TLR2: variants seen among roughly 807,000 people sequenced by gnomAD.
TLR2 encodes toll like receptor 2, also known as toll-like receptor 2.
TLR2 carries 7 observed loss-of-function variants against 9.1 expected under a neutral mutation model. The observed-to-expected ratio is 0.77, with a 90% CI of 0.44 to 1.44. The LOEUF (loss-of-function observed/expected upper bound fraction) is 1.44, where lower values mean the gene tolerates loss of function less well. Among genes scored for constraint, TLR2 ranks in the 40% most tolerant of loss-of-function variants. TLR2 has a pLI of 0.01. For missense variants in TLR2, 812 were observed against 904.6 expected (o/e 0.90, Z 1.31); for synonymous variants, 317 against 344.6 (o/e 0.92, Z 0.89).
At position 153,703,891 on chromosome 4, in the gene TLR2, G is replaced by T; in HGVS notation, c.984G>T (p.Leu328=). ...CAAGGTTTTACTTATTTTATGATCT[G>T]AGCACTTTATATTCACTTACAGAAA... ...HIPRFYLFYD[L]STLYSLTERV... is the part of the protein sequence containing the mutation. The change falls in exon 3 of 3, where the codon CTG becomes CTT. Residue 328 remains leucine (L), a synonymous_variant. Coordinates refer to ENST00000642700, the MANE Select transcript of TLR2 (RefSeq NM_001318789.2). 8 of 1,613,918 alleles carry T rather than the reference G, an allele frequency of 5.0e-6. No homozygotes were observed. The highest frequency in any genetic ancestry group is 1.1e-5 in the South Asian group (1 of 90,996).
chr4:153,684,744 G>C (rs1365613184), intron 1 of TLR2, among the ~76,000 whole-genome samples: 1 of 151,632 alleles, frequency 6.6e-6, no homozygotes, highest in Non-Finnish European at 1.5e-5. Context: ...CAGGCCCCGG[G>C]GGGGTTGCCG....
chr4:153,692,345 A>C (rs1049582115), intron 2 of TLR2, among the ~76,000 whole-genome samples: 4 of 152,186 alleles, frequency 2.6e-5, no homozygotes, highest in African/African-American at 9.7e-5. Flanking sequence ...TTAATTACAA[A>C]AACTGGAGAA....
rs1226764111 is a variant in TLR2, at chr4:153,703,156, G to A, written c.249G>A (p.Leu83=). ...GTGTGAACCTCCAGGCTCTGGTGCTGACATCCAATGGAATTAACACAATAG... is the reference window on the plus strand; with the variant it reads ...GTGTGAACCTCCAGGCTCTGGTGCTAACATCCAATGGAATTAACACAATAG... ...QRCVNLQALV[L]TSNGINTIEE... Residue 83 remains leucine, a synonymous_variant, in exon 3 of 3, where the codon CTG becomes CTA. Coordinates refer to ENST00000642700, the MANE Select transcript of TLR2 (RefSeq NM_001318789.2). 5 of 1,614,120 alleles carry A rather than the reference G, an allele frequency of 3.1e-6. No individual in the cohort carries two copies. The highest frequency in any genetic ancestry group is 4.2e-6 in the Non-Finnish European group (5 of 1,180,024).
chr4:153,707,506 C>T (rs1459630088), downstream of TLR2, among the ~76,000 whole-genome samples: 4 of 151,322 alleles, frequency 2.6e-5, no homozygotes, highest in African/African-American at 9.7e-5. Context: ...GCTGTGATTG[C>T]ACCACTGCAC....
At position 153,706,180 on chromosome 4, in the gene TLR2, T is replaced by G. The variant is rs184227229; in HGVS notation, c.*918T>G. Among the ~76,000 whole-genome samples the G allele has an allele frequency of 2.2e-4, 33 of 152,344 alleles. No homozygotes were observed. Among genetic ancestry groups the G allele is most frequent in the African/African-American group, 7.7e-4 (32 of 41,570 alleles). ...AGCCATAGTTACTTGAGAGAGTGAG[T>G]ACACAGTGCAAGGTACAGTAAATTA... On this transcript the variant is annotated 3_prime_UTR_variant, in exon 3 of 3. Transcript: ENST00000642700.
At position 153,703,186 on chromosome 4, in the gene TLR2, A is replaced by G. The variant is rs541897132; in HGVS notation, c.279A>G (p.Glu93=). The G allele has an allele frequency of 6.2e-7, 1 of 1,614,210 alleles. No individual in the cohort carries two copies. The highest frequency in any genetic ancestry group is 1.1e-5 in the South Asian group (1 of 91,084). ...LTSNGINTIE[E]DSFSSLGSLE... is the part of the protein sequence containing the mutation. ...CCAATGGAATTAACACAATAGAGGA[A>G]GATTCTTTTTCTTCCCTGGGCAGTC... Residue 93 remains glutamate, a synonymous_variant, in exon 3 of 3, where the codon GAA becomes GAG. Transcript: ENST00000642700.
At chr4:153,690,229 T>G (rs531203708) in intron 2 of TLR2, among the ~76,000 whole-genome samples, 1 of 152,236 alleles carries the variant, frequency 6.6e-6, no homozygotes, top group Non-Finnish European at 1.5e-5. Context: ...GCTCAAAAAA[T>G]TTAAAGTCAT....
chr4:153,710,316 T>C (rs1737475939), downstream of TLR2: 12 of 1,410,514 alleles, frequency 8.5e-6, no homozygotes, highest in Non-Finnish European at 1.1e-5. Context: ...TAATATTAAA[T>C]GTTGGACCAA....
chr4:153,706,205 A>T lies in TLR2; in HGVS notation c.*943A>T, dbSNP rs1287655318. On this transcript the variant is annotated 3_prime_UTR_variant, in exon 3 of 3. Coordinates refer to ENST00000642700, the MANE Select transcript of TLR2 (RefSeq NM_001318789.2). ...TACACAGTGCAAGGTACAGTAAATTATGTATTTCTGTAATTTAACAAAATA... is the reference window on the plus strand; with the variant it reads ...TACACAGTGCAAGGTACAGTAAATTTTGTATTTCTGTAATTTAACAAAATA... Among the ~76,000 whole-genome samples the T allele has an allele frequency of 6.6e-6, 1 of 152,226 alleles. No individual in the cohort carries two copies. The highest frequency in any genetic ancestry group is 1.5e-5 in the Non-Finnish European group (1 of 68,034).
rs766625625 is a variant in TLR2 at position 153,703,092 on chromosome 4, A to G, written c.185A>G (p.Asn62Ser). The change falls in exon 3 of 3, where the codon AAC (asparagine) becomes AGC (serine). Residue 62 changes from asparagine (N) to serine (S), a missense_variant. By Grantham distance (46) the Asn-to-Ser change is conservative. Transcript: ENST00000642700. ...EAVKSLDLSN[N>S]RITYISNSDL... The stretch of plus-strand genomic sequence containing the variant: ...GTAAAAAGCCTTGACCTGTCCAACA[A>G]CAGGATCACCTACATTAGCAACAGT... The G allele has an allele frequency of 1.2e-6, 2 of 1,614,086 alleles. No homozygotes were observed. The highest frequency in any genetic ancestry group is 3.3e-5 in the Admixed American group (2 of 60,018).
rs538314582 is a variant in TLR2, at chr4:153,693,876, C to T, written c.-17+5829C>T. Among the ~76,000 whole-genome samples, 405 of 152,260 alleles carry T rather than the reference C, an allele frequency of 2.7e-3. 2 individuals are homozygous for T. Among genetic ancestry groups the T allele is most frequent in the African/African-American group, 9.1e-3 (378 of 41,536 alleles). On this transcript the variant is annotated intron_variant, in intron 2 of 2. Transcript: ENST00000642700. ...CCACGTTTTCCAACCATTGCTCCAG[C>T]GAGCCTTCATCCTGGGTTTGAGTCC...
chr4:153,709,335 AT>A (rs1737430173), downstream of TLR2, among the ~76,000 whole-genome samples: 1 of 152,236 alleles, frequency 6.6e-6, no homozygotes, highest in South Asian at 2.1e-4. Context: ...GGCTTCAAGT[AT>A]TGCAGAGTAG....
downstream of TLR2, chr4:153,710,363 G>A: frequency 6.5e-7 from 1 of 1,549,216 alleles, no homozygotes; most frequent in Non-Finnish European, 8.7e-7. Context: ...TCTGGGGTCT[G>A]CTGTCCTATT....
At position 153,688,882 on chromosome 4, in the gene TLR2, C is replaced by T. The variant is rs1302829809; in HGVS notation, c.-17+835C>T. On this transcript the variant is annotated intron_variant, in intron 2 of 2. Coordinates refer to ENST00000642700, the MANE Select transcript of TLR2 (RefSeq NM_001318789.2). ...TGGGAGCCTGTTCCCACATGTCCCC[C>T]TTTTTTGTTTTGCAAAGCAATAAAA... 2.0e-5 allele frequency among the ~76,000 whole-genome samples: 3 copies of T among 152,210 alleles called. No individual in the cohort carries two copies. In the East Asian group the frequency reaches 5.8e-4, roughly 29 times the overall value.
intron 2 of TLR2, among the ~76,000 whole-genome samples, chr4:153,694,614 G>T (rs1450914199): frequency 6.6e-6 from 1 of 152,120 alleles, no homozygotes; most frequent in Non-Finnish European, 1.5e-5. Context: ...GCATACAATG[G>T]ATAATAATAA....
In TLR2 at chr4:153,703,108, T is replaced by G. The variant is rs138655195; in HGVS notation, c.201T>G (p.Ile67Met). 17 of 1,613,996 alleles carry G rather than the reference T, an allele frequency of 1.1e-5. No homozygotes were observed. The African/African-American group carries it at 2.0e-4, about 19-fold the overall frequency. Residue 67 changes from isoleucine to methionine, a missense_variant, in exon 3 of 3, where the codon ATT becomes ATG. Physicochemically the swap from Ile to Met is conservative, Grantham distance 10. Coordinates refer to ENST00000642700, the MANE Select transcript of TLR2 (RefSeq NM_001318789.2). The stretch of plus-strand genomic sequence containing the variant: ...TGTCCAACAACAGGATCACCTACAT[T>G]AGCAACAGTGACCTACAGAGGTGTG... ...LDLSNNRITY[I>M]SNSDLQRCVN... is the part of the protein sequence containing the mutation.
At chr4:153,691,654 A>G (rs4315761) in intron 2 of TLR2, among the ~76,000 whole-genome samples, 147,496 of 152,260 alleles carry the variant, frequency 0.97, 71,579 homozygotes, top group East Asian at 1. Context: ...CTGAGGGCTA[A>G]TGAGACTAGG....
chr4:153,709,175 G>C (rs1737426957), downstream of TLR2, among the ~76,000 whole-genome samples: 1 of 152,122 alleles, frequency 6.6e-6, no homozygotes, highest in Non-Finnish European at 1.5e-5. Context: ...TGAAGCATTG[G>C]GCAGTTTGAA....
intron 1 of TLR2, among the ~76,000 whole-genome samples, chr4:153,685,525 A>C (rs760285309): frequency 5.3e-5 from 8 of 152,184 alleles, no homozygotes; most frequent in Non-Finnish European, 1.2e-4. Context: ...CAAAACACAA[A>C]ACAAAACAAA....
Sources: gnomAD v4.1 joint callset for allele counts (sites outside exome capture counted in the v4.1 genomes callset) on GRCh38, gnomAD v4.1.1 for gene constraint, MANE v1.5 for transcripts, NCBI Gene and HGNC (gene_info 2026-07-23, HGNC 2026-07-21) for gene names.